The following MAP4K4 variants were observed in gnomAD, a reference collection of about 807,000 sequenced individuals.
The protein encoded by MAP4K4 is mitogen-activated protein kinase kinase kinase kinase 4.
MAP4K4 carries 38 observed loss-of-function variants against 189.6 expected under a neutral mutation model. That is an observed-to-expected ratio of 0.20 (90% CI 0.15 to 0.26). The LOEUF is 0.26. Among genes scored for constraint, MAP4K4 ranks in the 10% least tolerant of loss-of-function variants. The pLI is 1.00. For missense variants in MAP4K4, 1,054 were observed against 1,726.9 expected (o/e 0.61, Z 6.91); for synonymous variants, 610 against 624.3 (o/e 0.98, Z 0.34).
intron 2 of MAP4K4, among the ~76,000 whole-genome samples, chr2:101,718,468 G>A (rs1017769175): frequency 4.7e-5 from 7 of 148,504 alleles, no homozygotes; most frequent in African/African-American, 1.8e-4. Context: ...TGCCAGATTT[G>A]TTTCCCAGGG....
chr2:101,844,244 G>A (rs1426323632), exon 12 of MAP4K4: 2 of 1,583,352 alleles, frequency 1.3e-6, no homozygotes, highest in Non-Finnish European at 1.7e-6. Flanking sequence ...GAATATAAAA[G>A]GCAACTGCTG....
chr2:101,750,098 G>A (rs1382184958), intron 2 of MAP4K4, among the ~76,000 whole-genome samples: 1 of 149,760 alleles, frequency 6.7e-6, no homozygotes, highest in African/African-American at 2.5e-5. Flanking sequence ...GGAAGTCAGT[G>A]TGGCGATTCC....
chr2:101,858,022 C>G (rs946729942), intron 13 of MAP4K4, among the ~76,000 whole-genome samples: 1 of 152,152 alleles, frequency 6.6e-6, no homozygotes, highest in Non-Finnish European at 1.5e-5. Context: ...GCCTCTTTGG[C>G]TTGTAAAATG....
At chr2:101,723,480 C>G (rs1007592458) in intron 2 of MAP4K4, among the ~76,000 whole-genome samples, 3 of 152,124 alleles carry the variant, frequency 2.0e-5, no homozygotes, top group African/African-American at 7.2e-5. Context: ...TTTTGCCCAA[C>G]CTCTGGAGAA....
At chr2:101,836,320 G>A (rs1488218995) in intron 9 of MAP4K4, among the ~76,000 whole-genome samples, 2 of 151,970 alleles carry the variant, frequency 1.3e-5, no homozygotes, top group African/African-American at 2.4e-5. Context: ...GCGGTGGCTC[G>A]CACCTGTAAT....
At chr2:101,865,535 A>G (rs1164114216) in intron 18 of MAP4K4, among the ~76,000 whole-genome samples, 1 of 152,214 alleles carries the variant, frequency 6.6e-6, no homozygotes, top group Non-Finnish European at 1.5e-5. Flanking sequence ...TATTTAAATT[A>G]AAGTTTAAGT....
chr2:101,703,676 C>T (rs1024323148), intron 2 of MAP4K4, among the ~76,000 whole-genome samples: 4 of 148,498 alleles, frequency 2.7e-5, no homozygotes, highest in African/African-American at 5.0e-5. Context: ...AAATTGCTTT[C>T]GATTGCTCAG....
At chr2:101,760,486 T>G (rs2075769170) in intron 2 of MAP4K4, among the ~76,000 whole-genome samples, 1 of 129,574 alleles carries the variant, frequency 7.7e-6, no homozygotes, top group Admixed American at 7.9e-5. Flanking sequence ...AGACTCCATC[T>G]CAAAAAAAAA....
chr2:101,793,288 G>T (rs2093236486), intron 3 of MAP4K4, among the ~76,000 whole-genome samples: 2 of 152,282 alleles, frequency 1.3e-5, no homozygotes, highest in East Asian at 1.9e-4. Context: ...AGTGACCTTT[G>T]CTATAGCATG....
At chr2:101,871,874 A>T (rs1252726139) in intron 24 of MAP4K4, among the ~76,000 whole-genome samples, 189 bp downstream of exon 24, 1 of 152,116 alleles carries the variant, frequency 6.6e-6, no homozygotes, top group Admixed American at 6.5e-5. Flanking sequence ...TTAACCCTAG[A>T]TCAGCTCCCC....
At chr2:101,728,632 C>T (rs2056825141) in intron 2 of MAP4K4, among the ~76,000 whole-genome samples, 1 of 152,142 alleles carries the variant, frequency 6.6e-6, no homozygotes. Context: ...AGTTCTTCTG[C>T]CTCAGCCTCC....
intron 2 of MAP4K4, among the ~76,000 whole-genome samples, chr2:101,731,648 G>T (rs1336178059): frequency 6.6e-6 from 1 of 151,912 alleles, no homozygotes; most frequent in Non-Finnish European, 1.5e-5. Context: ...CTACTGGAGG[G>T]ACTGAGGTGG....
At chr2:101,753,625 T>C (rs1451785755) in intron 2 of MAP4K4, among the ~76,000 whole-genome samples, 1 of 152,002 alleles carries the variant, frequency 6.6e-6, no homozygotes, top group Admixed American at 6.6e-5. Flanking sequence ...TAGCATTTTA[T>C]GAATTACCTT....
At chr2:101,785,097 T>G (rs1433355239) in intron 2 of MAP4K4, among the ~76,000 whole-genome samples, 1 of 152,214 alleles carries the variant, frequency 6.6e-6, no homozygotes, top group Non-Finnish European at 1.5e-5. Flanking sequence ...GTTGATGCTG[T>G]GTGTGTGCAC....
At chr2:101,710,169 C>T (rs1230849415) in intron 2 of MAP4K4, among the ~76,000 whole-genome samples, 2 of 152,094 alleles carry the variant, frequency 1.3e-5, no homozygotes, top group African/African-American at 4.8e-5. Flanking sequence ...TTGGAGATCC[C>T]GGTTGAATAT....
At chr2:101,817,683 A>G (rs913142046) in intron 3 of MAP4K4, among the ~76,000 whole-genome samples, 3 of 152,212 alleles carry the variant, frequency 2.0e-5, no homozygotes, top group Non-Finnish European at 2.9e-5. Flanking sequence ...TGTGCTTTCC[A>G]TGGAGAAGAG....
chr2:101,826,621 A>G (rs953674861), intron 5 of MAP4K4, among the ~76,000 whole-genome samples: 14 of 152,200 alleles, frequency 9.2e-5, no homozygotes, highest in African/African-American at 3.1e-4. Flanking sequence ...ACTGTTTAGC[A>G]TGGTAGGCAG....
At chr2:101,776,668 C>G (rs2084354005) in intron 2 of MAP4K4, among the ~76,000 whole-genome samples, 2 of 135,188 alleles carry the variant, frequency 1.5e-5, no homozygotes, top group South Asian at 4.6e-4. Flanking sequence ...GGAGAAGAAC[C>G]CTGCTATTAG....
At chr2:101,775,034 C>CT (rs77977516) in intron 2 of MAP4K4, among the ~76,000 whole-genome samples, 5,405 of 129,008 alleles carry the variant, frequency 0.042, 200 homozygotes, top group East Asian at 0.16. Flanking sequence ...CCTATCCCCT[C>CT]TTTTTTTTTT....
Sources: gnomAD v4.1 joint callset for allele counts (sites outside exome capture counted in the v4.1 genomes callset) on GRCh38, gnomAD v4.1.1 for gene constraint, MANE v1.5 for transcripts, NCBI Gene and HGNC (gene_info 2026-07-23, HGNC 2026-07-21) for gene names.